Variants in UNC5C observed in about 807,000 individuals in gnomAD.
UNC5C encodes the protein unc-5 netrin receptor C, also known as netrin receptor UNC5C.
In UNC5C, 47 loss-of-function variants were observed where a neutral mutation model predicts 99.8. The observed-to-expected ratio is 0.47, with a 90% CI of 0.37 to 0.60. The LOEUF (loss-of-function observed/expected upper bound fraction) is 0.60. Ranked by LOEUF, UNC5C falls within the 20% of genes least tolerant of loss-of-function variation. UNC5C has a pLI of 0.00. For synonymous variants in UNC5C, 487 were observed against 452.2 expected (o/e 1.08, Z -0.98); for missense variants, 1,062 against 1,165.9 (o/e 0.91, Z 1.30).
In UNC5C at chr4:95,169,099, C is replaced by T; in HGVS notation, c.*135G>A. ...TACATGGGCAGTTGTATCTGTTTTC[C>T]TTCTGGCTCCTGCTGCAGTCTTGCC... On this transcript the variant is annotated 3_prime_UTR_variant, in exon 16 of 16. Coordinates refer to ENST00000453304, the MANE Select transcript of UNC5C (RefSeq NM_003728.4). The T allele has an allele frequency of 7.1e-6, 8 of 1,124,682 alleles. No individual in the cohort carries two copies. Among genetic ancestry groups the T allele is most frequent in the Non-Finnish European group, 1.0e-5 (8 of 785,078 alleles). The allele number at this position is 1,124,682 out of a possible 1,614,324, so 69.7% of individuals were successfully genotyped here. A position where few individuals can be genotyped will look rare whatever the true frequency, so the allele number is the denominator to read the frequency against.
chr4:95,287,708 T>C (rs1195151146), intron 3 of UNC5C, among the ~76,000 whole-genome samples: 1 of 152,238 alleles, frequency 6.6e-6, no homozygotes, highest in Non-Finnish European at 1.5e-5. Flanking sequence ...ATGCAATGAA[T>C]CTGCATCCTC....
At chr4:95,412,958 T>C (rs1746041363) in intron 1 of UNC5C, among the ~76,000 whole-genome samples, 1 of 152,172 alleles carries the variant, frequency 6.6e-6, no homozygotes, top group Admixed American at 6.5e-5. Flanking sequence ...TCCATCTACA[T>C]ACCCAGGATT....
At chr4:95,445,307 CT>C (rs1042602556) in intron 1 of UNC5C, among the ~76,000 whole-genome samples, 2 of 145,022 alleles carry the variant, frequency 1.4e-5, no homozygotes, top group African/African-American at 4.9e-5. Context: ...CCTTTTTTTC[CT>C]AGATGAATTA....
Position 95,490,047 on chromosome 4 carries a change from C to T in UNC5C, c.124+58687G>A, listed in dbSNP as rs542549333. 1.2e-4 allele frequency among the ~76,000 whole-genome samples: 10 copies of T among 84,062 alleles called. No homozygotes were observed. In the South Asian group the frequency reaches 2.8e-3, roughly 24 times the overall value. 55.1% of individuals were successfully genotyped at this position (84,062 alleles called of 152,430 possible). A position where few individuals can be genotyped will look rare whatever the true frequency, so the allele number is the denominator to read the frequency against. On this transcript the variant is annotated intron_variant, in intron 1 of 15. Coordinates refer to ENST00000453304, the MANE Select transcript of UNC5C (RefSeq NM_003728.4). ...GTGTACACAGAGAAGAGAAGGGGAC[C>T]CCAGATGGAGTCCTGAGGCCTGGAC...
intron 1 of UNC5C, among the ~76,000 whole-genome samples, chr4:95,514,759 G>A (rs1578203688): frequency 6.6e-6 from 1 of 151,762 alleles, no homozygotes. Context: ...TGCAACCTCT[G>A]CCTCCTGGGT....
At chr4:95,528,728 CTG>C (rs1244122809) in intron 1 of UNC5C, among the ~76,000 whole-genome samples, 1 of 152,128 alleles carries the variant, frequency 6.6e-6, no homozygotes, top group African/African-American at 2.4e-5. Context: ...GACAGGGACT[CTG>C]TGCAGCTCCC....
chr4:95,240,405 G>A (rs1739286596), intron 7 of UNC5C, among the ~76,000 whole-genome samples: 1 of 152,160 alleles, frequency 6.6e-6, no homozygotes, highest in African/African-American at 2.4e-5. Flanking sequence ...GAATATCTCT[G>A]TGGTTTTATC....
chr4:95,398,115 AG>A (rs1745577589), intron 1 of UNC5C, among the ~76,000 whole-genome samples: 1 of 145,124 alleles, frequency 6.9e-6, no homozygotes, highest in South Asian at 2.2e-4. Flanking sequence ...CCCAAAGTAC[AG>A]GAAGAAAATT....
At chr4:95,273,499 C>T (rs1245071302) in intron 4 of UNC5C, among the ~76,000 whole-genome samples, 3 of 152,130 alleles carry the variant, frequency 2.0e-5, no homozygotes, top group Non-Finnish European at 4.4e-5. Context: ...TAGAGTGCTG[C>T]TATTATGCTA....
intron 14 of UNC5C, among the ~76,000 whole-genome samples, chr4:95,172,597 A>G (rs1254431885): frequency 2.0e-5 from 3 of 151,678 alleles, no homozygotes; most frequent in Admixed American, 6.6e-5. Flanking sequence ...CCATTGGTCT[A>G]TATCTCTGTT....
intron 1 of UNC5C, among the ~76,000 whole-genome samples, chr4:95,504,446 C>A (rs1195908207): frequency 6.6e-6 from 1 of 152,110 alleles, no homozygotes; most frequent in Non-Finnish European, 1.5e-5. Context: ...ATGTAAAGAA[C>A]ATATATATGT....
chr4:95,486,694 T>C (rs1478360466), intron 1 of UNC5C, among the ~76,000 whole-genome samples: 1 of 151,700 alleles, frequency 6.6e-6, no homozygotes, highest in African/African-American at 2.4e-5. Flanking sequence ...ATGTATTTCT[T>C]CTTCCAGAAA....
chr4:95,347,620 T>A (rs1743826252), intron 1 of UNC5C, among the ~76,000 whole-genome samples: 1 of 152,062 alleles, frequency 6.6e-6, no homozygotes, highest in South Asian at 2.1e-4. Flanking sequence ...TACAGTGAAT[T>A]CATTTTTGCC....
chr4:95,228,284 G>A (rs1382304150), intron 7 of UNC5C, among the ~76,000 whole-genome samples: 4 of 151,502 alleles, frequency 2.6e-5, no homozygotes, highest in Non-Finnish European at 3.0e-5. Flanking sequence ...CATATGGATA[G>A]ATAGCAAAAA....
intron 4 of UNC5C, among the ~76,000 whole-genome samples, chr4:95,258,659 T>A (rs1300113118): frequency 6.6e-6 from 1 of 151,906 alleles, no homozygotes; most frequent in Non-Finnish European, 1.5e-5. Flanking sequence ...TAAAAACAGT[T>A]ACACGGCAAT....
At chr4:95,410,196 G>T (rs1745939329) in intron 1 of UNC5C, among the ~76,000 whole-genome samples, 1 of 152,128 alleles carries the variant, frequency 6.6e-6, no homozygotes, top group African/African-American at 2.4e-5. Context: ...TTTCAGAGAA[G>T]TTAGGCACTG....
intron 1 of UNC5C, among the ~76,000 whole-genome samples, chr4:95,529,651 C>T (rs1041723406): frequency 6.6e-6 from 1 of 151,830 alleles, no homozygotes; most frequent in African/African-American, 2.4e-5. Context: ...TGCTTGAGTC[C>T]AGGAGGTCGA....
intron 1 of UNC5C, among the ~76,000 whole-genome samples, chr4:95,415,687 A>G (rs1234543675): frequency 1.3e-5 from 2 of 152,156 alleles, no homozygotes; most frequent in Non-Finnish European, 2.9e-5. Context: ...ATCAGAACTC[A>G]TTCCCAAAAC....
At chr4:95,532,090 C>T (rs1363786901) in intron 1 of UNC5C, among the ~76,000 whole-genome samples, 1 of 152,208 alleles carries the variant, frequency 6.6e-6, no homozygotes, top group Non-Finnish European at 1.5e-5. Flanking sequence ...CAACCGTGCT[C>T]TTAATGCTTA....
Sources: allele counts gnomAD v4.1 joint callset (sites outside exome capture counted in the v4.1 genomes callset), GRCh38; gene constraint gnomAD v4.1.1; transcripts MANE v1.5; gene names NCBI Gene and HGNC (gene_info 2026-07-23, HGNC 2026-07-21).